Variants in RACGAP1 observed in about 807,000 individuals in gnomAD.
The protein encoded by RACGAP1 is Rac GTPase activating protein 1.
In RACGAP1, 30 loss-of-function variants were observed where a neutral mutation model predicts 78.1. That is an observed-to-expected ratio of 0.38 (90% CI 0.29 to 0.52). The LOEUF (loss-of-function observed/expected upper bound fraction) is 0.52, where lower values mean the gene tolerates loss of function less well. Ranked by LOEUF, RACGAP1 falls within the 20% of genes least tolerant of loss-of-function variation. The pLI, the probability that RACGAP1 is intolerant of heterozygous loss-of-function variation, is 0.82. For synonymous variants in RACGAP1, 231 were observed against 264.8 expected, an observed-to-expected ratio of 0.87 and a Z score of 1.24; for missense variants, 587 against 777.1, an observed-to-expected ratio of 0.76 and a Z score of 2.91.
chr12:49,999,508 A>G (rs1205512434), intron 8 of RACGAP1, 108 bp downstream of exon 8: 1 of 1,061,266 alleles, frequency 9.4e-7, no homozygotes, highest in African/African-American at 1.6e-5. Context: ...GCAGTAAGAA[A>G]CTACCCAATA....
At chr12:50,005,510 C>CAG in intron 3 of RACGAP1, 118 bp from the exon 4 acceptor site, 1 of 1,157,102 alleles carries the variant, frequency 8.6e-7, no homozygotes, top group Non-Finnish European at 1.2e-6. Flanking sequence ...AATGGACCTT[C>CAG]AGGAAGGCTG....
rs1411086350 is a variant in RACGAP1 at position 49,997,164 on chromosome 12, A to G, written c.920T>C (p.Ile307Thr). 6.2e-7 allele frequency: 1 copy of G among 1,608,914 alleles called. No individual in the cohort carries two copies. The highest frequency in any genetic ancestry group is 1.7e-5 in the Admixed American group (1 of 59,856). The change falls in exon 10 of 17, where the codon ATA becomes ACA. Residue 307 changes from isoleucine to threonine, a missense_variant. Ile to Thr is a moderately conservative substitution (Grantham distance 89). Coordinates refer to ENST00000312377, the MANE Select transcript of RACGAP1 (RefSeq NM_001319999.2). The stretch of plus-strand genomic sequence containing the variant: ...CTTCAGAGATAATTTGCCAAATTTT[A>G]TCCGCTTTCCACATGGAACACAGGA... ...PESCVPCGKR[I>T]KFGKLSLKCR...
chr12:50,006,375 C>T (rs1948973236), intron 3 of RACGAP1, 59 bp downstream of exon 3: 1 of 1,581,610 alleles, frequency 6.3e-7, no homozygotes, highest in African/African-American at 1.3e-5. Context: ...TGGAAACTGT[C>T]AGACAATGCC....
chr12:50,016,497 T>TA lies in RACGAP1; in HGVS notation c.85+133dup. The TA allele has an allele frequency of 3.3e-6, 3 of 902,152 alleles. No homozygotes were observed. In the South Asian group the frequency reaches 4.1e-5, roughly 12 times the overall value. 55.9% of individuals were successfully genotyped at this position (902,152 alleles called of 1,614,324 possible). A position where few individuals can be genotyped will look rare whatever the true frequency, so the allele number is the denominator to read the frequency against. On this transcript the variant is annotated intron_variant, in intron 2 of 16. Coordinates refer to ENST00000312377, the MANE Select transcript of RACGAP1 (RefSeq NM_001319999.2). ...GAGTGCCCATTAGGCTTTGACCACGTAAGTGATCACTGCTTTCTTTTTAGG... is the reference window on the plus strand; with the variant it reads ...GAGTGCCCATTAGGCTTTGACCACGTAAAGTGATCACTGCTTTCTTTTTAGG...
At chr12:50,012,802 C>G (rs184919805) in intron 2 of RACGAP1, among the ~76,000 whole-genome samples, 2 of 148,532 alleles carry the variant, frequency 1.3e-5, no homozygotes, top group East Asian at 2.0e-4. Flanking sequence ...GGTGGCTCAC[C>G]CCTGTAATCC....
At chr12:49,995,241 G>C (rs1253239087) in intron 10 of RACGAP1, among the ~76,000 whole-genome samples, 1 of 152,114 alleles carries the variant, frequency 6.6e-6, no homozygotes, top group Non-Finnish European at 1.5e-5. Context: ...CCAGCTATGA[G>C]GGAGGCTGAG....
At chr12:50,031,460 C>T (rs2137779841) in intron 2 of RACGAP1, among the ~76,000 whole-genome samples, 1 of 106,984 alleles carries the variant, frequency 9.3e-6, no homozygotes, top group South Asian at 3.2e-4. Context: ...GCCTGGGCAA[C>T]AGAGCAAGAC....
At chr12:50,016,523 T>C in intron 2 of RACGAP1, 108 bp downstream of exon 2, 2 of 1,184,268 alleles carry the variant, frequency 1.7e-6, no homozygotes, top group Non-Finnish European at 2.5e-6. Flanking sequence ...TCTTTTTAGG[T>C]AACCCAAATG....
exon 2 of RACGAP1, chr12:50,031,721 G>T: frequency 1.0e-6 from 1 of 985,316 alleles, no homozygotes; most frequent in Non-Finnish European, 1.2e-6. Context: ...AAACTTAAAC[G>T]CTGATGCCTG....
chr12:49,993,830 G>A (rs564600422), intron 12 of RACGAP1, among the ~76,000 whole-genome samples: 1 of 150,864 alleles, frequency 6.6e-6, no homozygotes, highest in Non-Finnish European at 1.5e-5. Context: ...GCAAATCACA[G>A]GGCAGGAGAT....
At chr12:49,994,629 C>T in intron 10 of RACGAP1, 120 bp from the exon 11 acceptor site, 2 of 1,412,478 alleles carry the variant, frequency 1.4e-6, no homozygotes, top group East Asian at 2.5e-5. Context: ...TCTACTTTTA[C>T]ATTCCTATTC....
chr12:50,026,982 A>C (rs1950279099), upstream of RACGAP1, among the ~76,000 whole-genome samples: 2 of 152,158 alleles, frequency 1.3e-5, no homozygotes, highest in Non-Finnish European at 2.9e-5. Flanking sequence ...CTGGCCTTGA[A>C]CAATAGCAGG....
chr12:50,014,304 G>A (rs925626031), intron 2 of RACGAP1, among the ~76,000 whole-genome samples: 1 of 152,182 alleles, frequency 6.6e-6, no homozygotes, highest in African/African-American at 2.4e-5. Context: ...TGGATCACAT[G>A]TCAGTACCAT....
intron 2 of RACGAP1, among the ~76,000 whole-genome samples, chr12:50,014,031 G>C (rs1050591361): frequency 6.6e-6 from 1 of 152,176 alleles, no homozygotes; most frequent in Admixed American, 6.5e-5. Flanking sequence ...CTATTAGAGA[G>C]AGAAAATAGA....
intron 12 of RACGAP1, among the ~76,000 whole-genome samples, chr12:49,993,494 A>C (rs192528443): frequency 6.6e-6 from 1 of 152,312 alleles, no homozygotes; most frequent in East Asian, 1.9e-4. Context: ...AGCTAATAAA[A>C]AGAGGAAGGT....
intron 2 of RACGAP1, among the ~76,000 whole-genome samples, chr12:50,015,058 AAG>A (rs1555177209): frequency 6.7e-6 from 1 of 150,324 alleles, no homozygotes; most frequent in African/African-American, 2.4e-5. Context: ...AAAAAAAAAA[AAG>A]AGAGAGATGG....
intron 4 of RACGAP1, 77 bp downstream of exon 4, chr12:50,005,179 T>G: frequency 6.3e-7 from 1 of 1,583,564 alleles, no homozygotes; most frequent in Non-Finnish European, 8.6e-7. Flanking sequence ...AGAAGTATAT[T>G]TAAGAATTCA....
intron 2 of RACGAP1, among the ~76,000 whole-genome samples, chr12:50,015,886 T>TGA (rs1239927169): frequency 6.6e-6 from 1 of 150,648 alleles, no homozygotes; most frequent in Admixed American, 6.6e-5. Flanking sequence ...GGTGACAGAA[T>TGA]GAGATTCTTA....
chr12:50,006,331 A>T, intron 3 of RACGAP1, 103 bp downstream of exon 3: 1 of 1,271,010 alleles, frequency 7.9e-7, no homozygotes, highest in Non-Finnish European at 1.1e-6. Flanking sequence ...TCAGTTCTTT[A>T]ATGTGGAAGA....
Sources: gnomAD v4.1 joint callset for allele counts (sites outside exome capture counted in the v4.1 genomes callset) on GRCh38, gnomAD v4.1.1 for gene constraint, MANE v1.5 for transcripts, NCBI Gene and HGNC (gene_info 2026-07-23, HGNC 2026-07-21) for gene names.